Variants in NUFIP2 observed in about 807,000 individuals in gnomAD.
The protein encoded by NUFIP2 is nuclear FMR1 interacting protein 2.
In NUFIP2, 6 loss-of-function variants were observed where a neutral mutation model predicts 56.9. That is an observed-to-expected ratio of 0.11 (90% CI 0.06 to 0.21). The LOEUF is 0.21. Among genes scored for constraint, NUFIP2 ranks in the 10% least tolerant of loss-of-function variants. The probability of loss-of-function intolerance (pLI) is 1.00; values close to 1 mark genes in which losing one functional copy is unlikely to be tolerated. For synonymous variants in NUFIP2, 321 were observed against 298.2 expected, an observed-to-expected ratio of 1.08 and a Z score of -0.79; for missense variants, 828 against 826.8, an observed-to-expected ratio of 1.00 and a Z score of -0.02.
At chr17:29,266,046 C>T (rs1343408895) in intron 3 of NUFIP2, among the ~76,000 whole-genome samples, 2 of 152,318 alleles carry the variant, frequency 1.3e-5, no homozygotes, top group East Asian at 1.9e-4. Context: ...TCTCAGCTCA[C>T]TGCAACCTCC....
rs1018742612 is a variant in NUFIP2, at chr17:29,258,735, T to C, written c.*5804A>G. 1 of 152,222 alleles carries C rather than the reference T, an allele frequency of 6.6e-6. No individual in the cohort carries two copies. The highest frequency in any genetic ancestry group is 2.4e-5 in the African/African-American group (1 of 41,452). 9.4% of individuals were successfully genotyped at this position (152,222 alleles called of 1,614,324 possible). ...TTCCCTCCCAAAAAGAATTTTATAA[T>C]TCATTCACTCTTGTTAGTGGCTGTG... On this transcript the variant is annotated 3_prime_UTR_variant, in exon 4 of 4. Transcript: ENST00000225388.
At chr17:29,289,933 T>TC (rs764863780) in intron 1 of NUFIP2, among the ~76,000 whole-genome samples, 2 of 152,294 alleles carry the variant, frequency 1.3e-5, no homozygotes, top group Non-Finnish European at 2.9e-5. Flanking sequence ...TTATTTTTTT[T>TC]CTTTTTTTGA....
intron 2 of NUFIP2, among the ~76,000 whole-genome samples, chr17:29,278,562 A>G (rs188756990): frequency 6.8e-4 from 103 of 151,766 alleles, no homozygotes; most frequent in African/African-American, 2.4e-3. Context: ...TGTGCTTTAT[A>G]AGGGTAAAAG....
In NUFIP2 at chr17:29,257,780, A is replaced by G. The variant is rs1470936324; in HGVS notation, c.*6759T>C. On this transcript the variant is annotated 3_prime_UTR_variant, in exon 4 of 4. Coordinates refer to ENST00000225388, the MANE Select transcript of NUFIP2 (RefSeq NM_020772.3). ...AGCAAGCTGAAACTTTTTTCAAAGC[A>G]CACAAGAAATGTTTACTTGAAGAAG... 6.6e-6 allele frequency: 1 copy of G among 152,210 alleles called. No homozygotes were observed. The allele number at this position is 152,210 out of a possible 1,614,324, so 9.4% of individuals were successfully genotyped here. A position where few individuals can be genotyped will look rare whatever the true frequency, so the allele number is the denominator to read the frequency against.
intron 1 of NUFIP2, among the ~76,000 whole-genome samples, chr17:29,288,941 C>T (rs2069194365): frequency 6.6e-6 from 1 of 152,102 alleles, no homozygotes; most frequent in Admixed American, 6.6e-5. Flanking sequence ...TGCTGGAGTT[C>T]AAGACCAGCC....
intron 1 of NUFIP2, 33 bp downstream of exon 1, chr17:29,293,750 A>AC (rs1357929975): frequency 3.4e-5 from 44 of 1,310,708 alleles, no homozygotes; most frequent in East Asian, 9.7e-5. Flanking sequence ...TCCACCCCCA[A>AC]CCCCCTTCCC....
Position 29,257,177 on chromosome 17 carries a change from A to G in NUFIP2, c.*7362T>C, listed in dbSNP as rs1360869331. 8 of 152,210 alleles carry G rather than the reference A, an allele frequency of 5.3e-5. No homozygotes were observed. Among genetic ancestry groups the G allele is most frequent in the African/African-American group, 1.9e-4 (8 of 41,458 alleles). 9.4% of individuals were successfully genotyped at this position (152,210 alleles called of 1,614,324 possible). On this transcript the variant is annotated 3_prime_UTR_variant, in exon 4 of 4. Coordinates refer to ENST00000225388, the MANE Select transcript of NUFIP2 (RefSeq NM_020772.3). The stretch of plus-strand genomic sequence containing the variant: ...ACAAGTCAAGCTCTCGTTTAAATTG[A>G]ACTTTATTAAAATAGGTGCCAGTTT...
At chr17:29,270,544 A>C (rs1287919441) in intron 2 of NUFIP2, among the ~76,000 whole-genome samples, 1 of 152,148 alleles carries the variant, frequency 6.6e-6, no homozygotes, top group Admixed American at 6.6e-5. Context: ...AAATTGATCC[A>C]ATACAACCAA....
In NUFIP2 at chr17:29,257,667, GA is replaced by G. The variant is rs1182785197; in HGVS notation, c.*6871del. ...GATAACTTGGATCATAGCTCACACA[GA>G]ATTCCAAATTAAAGTGGACTCCATT... On this transcript the variant is annotated 3_prime_UTR_variant, in exon 4 of 4. Coordinates refer to ENST00000225388, the MANE Select transcript of NUFIP2 (RefSeq NM_020772.3). The G allele has an allele frequency of 6.6e-6, 1 of 152,064 alleles. No individual in the cohort carries two copies. The highest frequency in any genetic ancestry group is 2.4e-5 in the African/African-American group (1 of 41,414). 9.4% of individuals were successfully genotyped at this position (152,064 alleles called of 1,614,324 possible). A position where few individuals can be genotyped will look rare whatever the true frequency, so the allele number is the denominator to read the frequency against.
intron 2 of NUFIP2, among the ~76,000 whole-genome samples, chr17:29,284,253 A>C (rs1184689532): frequency 6.6e-6 from 1 of 152,196 alleles, no homozygotes; most frequent in African/African-American, 2.4e-5. Context: ...AAGGAGGAAG[A>C]GGTAGGAAAG....
At chr17:29,283,965 C>T (rs1050478677) in intron 2 of NUFIP2, among the ~76,000 whole-genome samples, 1 of 152,148 alleles carries the variant, frequency 6.6e-6, no homozygotes, top group Admixed American at 6.6e-5. Context: ...ATTAAAAGGA[C>T]ATCTATTTAT....
chr17:29,277,883 C>A (rs1598432730), intron 2 of NUFIP2, among the ~76,000 whole-genome samples: 1 of 152,008 alleles, frequency 6.6e-6, no homozygotes, highest in African/African-American at 2.4e-5. Flanking sequence ...CGTGGTGATG[C>A]AAGCCTATAA....
At chr17:29,268,051 A>G (rs1326055458) in intron 2 of NUFIP2, among the ~76,000 whole-genome samples, 1 of 152,072 alleles carries the variant, frequency 6.6e-6, no homozygotes, top group Non-Finnish European at 1.5e-5. Context: ...GGTGCCCGCC[A>G]CCACGCCCAG....
intron 2 of NUFIP2, among the ~76,000 whole-genome samples, chr17:29,280,977 TC>T (rs987015801): frequency 6.7e-6 from 1 of 149,334 alleles, no homozygotes; most frequent in Non-Finnish European, 1.5e-5. Flanking sequence ...AGAGTGAGGC[TC>T]CGTCTCCAAA....
rs143850246 is a variant in NUFIP2, at chr17:29,294,048, C to A, written c.12G>T (p.Lys4Asn). MEE[K>N]PGQPQPQHHH... is the part of the protein sequence containing the mutation. The stretch of plus-strand genomic sequence containing the variant: ...GGTGCTGAGGCTGTGGCTGGCCGGG[C>A]TTCTCCTCCATTGAAAGCGGCTGGG... The change falls in exon 1 of 4, where the codon AAG becomes AAT. Residue 4 changes from lysine (K) to asparagine (N), a missense_variant. By Grantham distance (94) the Lys-to-Asn change is moderately conservative. This residue lies in a region of NUFIP2 where 415 missense variants were observed against 408.7 expected (regional missense o/e 1.02). Coordinates refer to ENST00000225388, the MANE Select transcript of NUFIP2 (RefSeq NM_020772.3). 22 of 1,600,518 alleles carry A rather than the reference C, an allele frequency of 1.4e-5. No individual in the cohort carries two copies. Among genetic ancestry groups the A allele is most frequent in the Non-Finnish European group, 1.8e-5 (21 of 1,171,398 alleles).
At chr17:29,277,916 G>A (rs1188727988) in intron 2 of NUFIP2, among the ~76,000 whole-genome samples, 1 of 152,140 alleles carries the variant, frequency 6.6e-6, no homozygotes, top group African/African-American at 2.4e-5. Context: ...AGGAGGCTGA[G>A]GCAAGAGATC....
chr17:29,270,783 CAT>C (rs1489898700), intron 2 of NUFIP2, among the ~76,000 whole-genome samples: 1 of 151,738 alleles, frequency 6.6e-6, no homozygotes, highest in Non-Finnish European at 1.5e-5. Flanking sequence ...GCCTGGGAAA[CAT>C]AGGGAGACCC....
rs148759857 is a variant in NUFIP2 at position 29,266,462 on chromosome 17, G to T, written c.2035+1036C>A. Among the ~76,000 whole-genome samples the T allele has an allele frequency of 8.6e-5, 13 of 151,992 alleles. No homozygotes were observed. The East Asian group carries it at 2.5e-3, about 29-fold the overall frequency. ...TAAGAGAAATTTCTACACATTTCAA[G>T]TCCTGAAATTCTAGGAATTTCACAT... On this transcript the variant is annotated intron_variant, in intron 3 of 3. Coordinates refer to ENST00000225388, the MANE Select transcript of NUFIP2 (RefSeq NM_020772.3).
rs748645743 is a variant in NUFIP2 at position 29,294,072 on chromosome 17, G to C, written c.-13C>G. 1.9e-6 allele frequency: 3 copies of C among 1,584,226 alleles called. No homozygotes were observed. In the Admixed American group the frequency reaches 5.1e-5, roughly 27 times the overall value. On this transcript the variant is annotated 5_prime_UTR_variant, in exon 1 of 4. Transcript: ENST00000225388. ...GCTTCTCCTCCATTGAAAGCGGCTG[G>C]GACTCCCTGGCTGAGGCTGCGGGCT...
Sources: allele counts gnomAD v4.1 joint callset (sites outside exome capture counted in the v4.1 genomes callset), GRCh38; gene constraint gnomAD v4.1.1; regional missense constraint gnomAD v4.1.1; transcripts MANE v1.5; gene names NCBI Gene and HGNC (gene_info 2026-07-23, HGNC 2026-07-21).